The following SNTG2 variants were observed in gnomAD, a reference collection of about 807,000 sequenced individuals.
SNTG2 encodes the protein gamma-2-syntrophin.
A neutral mutation model predicts 70.9 loss-of-function variants in SNTG2; 74 were observed. The ratio of observed to expected loss-of-function variants is 1.04; its 90% CI spans 0.86 to 1.27. The LOEUF (loss-of-function observed/expected upper bound fraction) is 1.27, where lower values mean the gene tolerates loss of function less well. Ranked by LOEUF, SNTG2 falls within the 50% of genes most tolerant of loss-of-function variation. The probability of loss-of-function intolerance (pLI) is 0.00; values close to 1 mark genes in which losing one functional copy is unlikely to be tolerated. For missense variants in SNTG2, 717 were observed against 690.7 expected, an observed-to-expected ratio of 1.04 and a Z score of -0.43; for synonymous variants, 278 against 273.8, an observed-to-expected ratio of 1.02 and a Z score of -0.15.
At chr2:1,243,311 A>G (rs1264889593) in intron 11 of SNTG2, among the ~76,000 whole-genome samples, 1 of 152,228 alleles carries the variant, frequency 6.6e-6, no homozygotes, top group Non-Finnish European at 1.5e-5. Flanking sequence ...AGAAAGAGCA[A>G]GCAGCCCTGG....
chr2:1,066,631 A>G (rs1572348414), intron 1 of SNTG2, among the ~76,000 whole-genome samples: 1 of 152,100 alleles, frequency 6.6e-6, no homozygotes, highest in South Asian at 2.1e-4. Flanking sequence ...GTCATATAAA[A>G]TCCACTTTTT....
At chr2:1,295,718 G>A (rs1680177092) in intron 14 of SNTG2, among the ~76,000 whole-genome samples, 2 of 151,966 alleles carry the variant, frequency 1.3e-5, no homozygotes, top group Admixed American at 1.3e-4. Flanking sequence ...ATTGGGGAGG[G>A]AGGAGCAGGC....
chr2:1,224,367 C>T (rs1675615626), intron 9 of SNTG2, among the ~76,000 whole-genome samples: 1 of 152,166 alleles, frequency 6.6e-6, no homozygotes, highest in South Asian at 2.1e-4. Flanking sequence ...ATTTTTTCTT[C>T]TATCTGTGCC....
chr2:1,237,883 C>T lies in SNTG2; in HGVS notation c.720-5C>T. On this transcript the variant is annotated splice_region_variant and splice_polypyrimidine_tract_variant and intron_variant, in intron 9 of 16. Coordinates refer to ENST00000308624, the MANE Select transcript of SNTG2 (RefSeq NM_018968.4). The stretch of plus-strand genomic sequence containing the variant: ...GGCCTCCTGGACAGCTCTCTCCCTC[C>T]CCAGGTGGAATGCGTTCGAGGTGCT... The T allele has an allele frequency of 6.3e-7, 1 of 1,597,988 alleles. No homozygotes were observed. Among genetic ancestry groups the T allele is most frequent in the Non-Finnish European group, 8.5e-7 (1 of 1,172,694 alleles).
chr2:986,586 T>G (rs914121741), intron 1 of SNTG2, among the ~76,000 whole-genome samples: 1 of 152,240 alleles, frequency 6.6e-6, no homozygotes, highest in Admixed American at 6.5e-5. Flanking sequence ...AGGATCGGCA[T>G]ACCAGTGGCT....
intron 1 of SNTG2, among the ~76,000 whole-genome samples, chr2:1,057,009 G>T (rs906573230): frequency 8.7e-5 from 13 of 150,086 alleles, no homozygotes; most frequent in South Asian, 2.1e-4. Flanking sequence ...AGGAGAGGGC[G>T]GCGCAGCGCT....
chr2:1,298,025 G>A (rs776928902), intron 14 of SNTG2, among the ~76,000 whole-genome samples: 32 of 152,344 alleles, frequency 2.1e-4, no homozygotes, highest in Admixed American at 7.8e-4. Context: ...AAGGGGTGAC[G>A]GACAGAAGAC....
rs1022648371 is a variant in SNTG2 at position 1,209,193 on chromosome 2, C to A, written c.682C>A (p.Arg228Ser). ...DTLSVPLSMA[R>S]ISRYKAGTEK... ...CTTGTCCGTGCCTCTGTCCATGGCT[C>A]GCATCTCAAGGTACAAAGCCGGAAC... is the stretch of plus-strand genomic sequence containing the variant. Residue 228 changes from arginine to serine, a missense_variant, in exon 9 of 17, where the codon CGC becomes AGC. Coordinates refer to ENST00000308624, the MANE Select transcript of SNTG2 (RefSeq NM_018968.4). The A allele has an allele frequency of 4.3e-6, 7 of 1,613,806 alleles. No homozygotes were observed. The Admixed American group carries it at 8.3e-5, about 19-fold the overall frequency.
At chr2:1,015,787 G>A (rs1327319633) in intron 1 of SNTG2, among the ~76,000 whole-genome samples, 1 of 152,170 alleles carries the variant, frequency 6.6e-6, no homozygotes, top group African/African-American at 2.4e-5. Context: ...TTGAAGACGC[G>A]CCTTTGGGTG....
rs374817591 is a variant in SNTG2 at position 1,083,648 on chromosome 2, G to A, written c.203G>A (p.Gly68Asp). The stretch of plus-strand genomic sequence containing the variant: ...GTCTGTGTGGGCGGAAGCCACCAGG[G>A]CAGGAATGTAAGTGCCATCACTTCA... ...DVVCVGGSHQ[G>D]RNRRTVTLRR... Residue 68 changes from glycine (G) to aspartate (D), a missense_variant, in exon 2 of 17, where the codon GGC becomes GAC. Gly to Asp is a moderately conservative substitution (Grantham distance 94). Transcript: ENST00000308624. 24 of 1,613,626 alleles carry A rather than the reference G, an allele frequency of 1.5e-5. No individual in the cohort carries two copies. Among genetic ancestry groups the A allele is most frequent in the Middle Eastern group, 1.6e-4 (1 of 6,078 alleles).
chr2:1,261,356 C>T (rs945104761), intron 13 of SNTG2, among the ~76,000 whole-genome samples: 2 of 152,086 alleles, frequency 1.3e-5, no homozygotes, highest in Non-Finnish European at 2.9e-5. Context: ...CTTTAAATAT[C>T]CATAATTACC....
intron 16 of SNTG2, among the ~76,000 whole-genome samples, chr2:1,334,417 A>G (rs1015742106): frequency 6.6e-6 from 1 of 152,204 alleles, no homozygotes; most frequent in Admixed American, 6.5e-5. Flanking sequence ...TAGGACTGCC[A>G]TTTGATCCAG....
intron 14 of SNTG2, among the ~76,000 whole-genome samples, chr2:1,298,249 C>A (rs2148231807): frequency 6.6e-6 from 1 of 152,214 alleles, no homozygotes; most frequent in East Asian, 1.9e-4. Flanking sequence ...TCTCGTGTCT[C>A]AACCTCCTGA....
chr2:1,031,930 G>A (rs1169941876), intron 1 of SNTG2, among the ~76,000 whole-genome samples: 1 of 152,106 alleles, frequency 6.6e-6, no homozygotes, highest in East Asian at 1.9e-4. Context: ...TGTTTCTGGG[G>A]TAATGGAAAT....
At chr2:957,805 CCCTGGAGCCTCTGGAGGAATTTGAT>C (rs1660217517) in intron 1 of SNTG2, among the ~76,000 whole-genome samples, 2 of 152,128 alleles carry the variant, frequency 1.3e-5, no homozygotes, top group African/African-American at 4.8e-5. Flanking sequence ...GAAGGAGGCT[CCCTGGAGCCTCTGGAGGAATTTGAT>C]CCTGGACTTC....
chr2:1,015,688 A>G (rs911523557), intron 1 of SNTG2, among the ~76,000 whole-genome samples: 1 of 152,214 alleles, frequency 6.6e-6, no homozygotes, highest in South Asian at 2.1e-4. Flanking sequence ...TTAAACCCAA[A>G]TGTTGCCTAG....
chr2:1,237,775 C>A lies in SNTG2; in HGVS notation c.720-113C>A, dbSNP rs1052362907. On this transcript the variant is annotated intron_variant, in intron 9 of 16. Coordinates refer to ENST00000308624, the MANE Select transcript of SNTG2 (RefSeq NM_018968.4). ...GGCGCCTGAGGAAGTGGTGCAGTTG[C>A]CCCATGTCCTGGGTCCAGGGTAGAG... 5.9e-6 allele frequency: 8 copies of A among 1,350,530 alleles called. No homozygotes were observed. In the African/African-American group the frequency reaches 8.7e-5, roughly 15 times the overall value. 83.7% of individuals were successfully genotyped at this position (1,350,530 alleles called of 1,614,324 possible).
intron 15 of SNTG2, among the ~76,000 whole-genome samples, chr2:1,312,497 C>G (rs1681050083): frequency 6.6e-6 from 1 of 152,178 alleles, no homozygotes; most frequent in Admixed American, 6.5e-5. Context: ...ACCAGGCAGC[C>G]TGGGTCCAGG....
chr2:1,346,224 C>T (rs1279631536), intron 16 of SNTG2, among the ~76,000 whole-genome samples: 2 of 151,608 alleles, frequency 1.3e-5, no homozygotes, highest in African/African-American at 4.9e-5. Flanking sequence ...GCACTTTTCC[C>T]CCTGTTCTGG....
Sources: allele counts gnomAD v4.1 joint callset (sites outside exome capture counted in the v4.1 genomes callset), GRCh38; gene constraint gnomAD v4.1.1; transcripts MANE v1.5; gene names NCBI Gene and HGNC (gene_info 2026-07-23, HGNC 2026-07-21).